Variants in IL1RAPL2 observed in about 807,000 individuals in gnomAD.
The protein encoded by IL1RAPL2 is interleukin 1 receptor accessory protein like 2.
A neutral mutation model predicts 44.1 loss-of-function variants in IL1RAPL2; 3 were observed. That is an observed-to-expected ratio of 0.07 (90% CI 0.03 to 0.18). IL1RAPL2 has a LOEUF of 0.18. IL1RAPL2 is among the 10% of genes least tolerant of loss of function. The pLI is 1.00. For synonymous variants in IL1RAPL2, 181 were observed against 178.8 expected, an observed-to-expected ratio of 1.01 and a Z score of -0.10; for missense variants, 391 against 496.4, an observed-to-expected ratio of 0.79 and a Z score of 2.02.
chrX:105,322,866 G>T (rs2034906468), intron 5 of IL1RAPL2, among the ~76,000 whole-genome samples: 1 of 58,856 alleles, frequency 1.7e-5, no homozygotes, highest in Non-Finnish European at 4.6e-5. Flanking sequence ...GATTATACAA[G>T]GTATGTATGT....
intron 2 of IL1RAPL2, among the ~76,000 whole-genome samples, chrX:104,933,733 C>T (rs1924962197): frequency 9.0e-6 from 1 of 111,286 alleles, no homozygotes; most frequent in African/African-American, 3.3e-5. Context: ...TTAATGAAAT[C>T]AAGTTAGACA....
chrX:105,248,718 G>A (rs5962490), intron 4 of IL1RAPL2, among the ~76,000 whole-genome samples: 15,882 of 110,898 alleles, frequency 0.14, 2,187 homozygotes, highest in African/African-American at 0.43. Flanking sequence ...AAGACATACA[G>A]ATGGGAAACA....
At chrX:105,439,844 G>A (rs949986750) in intron 5 of IL1RAPL2, among the ~76,000 whole-genome samples, 1 of 111,901 alleles carries the variant, frequency 8.9e-6, no homozygotes, top group African/African-American at 3.2e-5. Context: ...GATGACCTTG[G>A]CCGACTACTA....
rs188560438 is a variant in IL1RAPL2, at chrX:105,106,770, C to T, written c.83-88705C>T. 4.9e-3 allele frequency among the ~76,000 whole-genome samples: 551 copies of T among 111,877 alleles called. 3 individuals carry two copies. The highest frequency in any genetic ancestry group is 0.017 in the African/African-American group (529 of 30,864). On this transcript the variant is annotated intron_variant, in intron 2 of 10. Transcript: ENST00000372582. ...TAAATGGGATTACACCAATAAAAGGCTTAGAACAATGTCTGTCATAATAGT... is the reference window on the plus strand; with the variant it reads ...TAAATGGGATTACACCAATAAAAGGTTTAGAACAATGTCTGTCATAATAGT...
intron 2 of IL1RAPL2, among the ~76,000 whole-genome samples, chrX:105,102,648 CAT>C (rs1491239309): frequency 3.6e-5 from 4 of 111,616 alleles, no homozygotes; most frequent in Middle Eastern, 4.7e-3. Context: ...TGTATGTACA[CAT>C]GTGTGTATAT....
intron 2 of IL1RAPL2, among the ~76,000 whole-genome samples, chrX:104,801,084 T>C (rs774336706): frequency 9.6e-4 from 108 of 112,568 alleles, no homozygotes; most frequent in Middle Eastern, 4.2e-3. Context: ...GATAGCAGAG[T>C]GTGTCTTCCT....
chrX:105,164,020 T>C (rs1220028601), intron 2 of IL1RAPL2, among the ~76,000 whole-genome samples: 3 of 110,744 alleles, frequency 2.7e-5, no homozygotes. Flanking sequence ...TTTAATGAGT[T>C]GAAGACATTC....
chrX:105,446,922 A>G (rs1352826624), intron 5 of IL1RAPL2, among the ~76,000 whole-genome samples: 1 of 102,915 alleles, frequency 9.7e-6, no homozygotes, highest in Non-Finnish European at 2.0e-5. Flanking sequence ...TTGCTCATCA[A>G]TGTCCTTTTC....
chrX:104,632,200 T>C (rs1929666895), intron 1 of IL1RAPL2, among the ~76,000 whole-genome samples: 1 of 111,637 alleles, frequency 9.0e-6, no homozygotes, highest in East Asian at 2.8e-4. Flanking sequence ...CATTGGTCTA[T>C]ATCTCTGTTT....
intron 2 of IL1RAPL2, among the ~76,000 whole-genome samples, chrX:104,895,023 A>T (rs1923593978): frequency 8.9e-6 from 1 of 112,673 alleles, no homozygotes; most frequent in East Asian, 2.8e-4. Flanking sequence ...CCTCAGCTGC[A>T]GGTCTGTTGG....
At chrX:105,161,224 T>TAAC (rs1414798214) in intron 2 of IL1RAPL2, among the ~76,000 whole-genome samples, 6 of 107,845 alleles carry the variant, frequency 5.6e-5, no homozygotes, top group Non-Finnish European at 1.1e-4. Context: ...TCTCAAATAA[T>TAAC]AATAATAATA....
intron 2 of IL1RAPL2, among the ~76,000 whole-genome samples, chrX:104,680,625 A>T (rs897763083): frequency 4.5e-5 from 5 of 109,931 alleles, no homozygotes; most frequent in Non-Finnish European, 9.5e-5. Context: ...TGAAGTTATT[A>T]AAAAAAAACA....
At chrX:105,388,726 G>T (rs893369314) in intron 5 of IL1RAPL2, among the ~76,000 whole-genome samples, 1 of 110,801 alleles carries the variant, frequency 9.0e-6, no homozygotes, top group African/African-American at 3.3e-5. Context: ...CAAATCCTGC[G>T]TTTTCTTATG....
At chrX:104,851,774 G>A (rs1922231780) in intron 2 of IL1RAPL2, among the ~76,000 whole-genome samples, 1 of 111,577 alleles carries the variant, frequency 9.0e-6, no homozygotes, top group Admixed American at 9.5e-5. Context: ...GCTGGCTTCT[G>A]TTGAGAGCTT....
intron 2 of IL1RAPL2, among the ~76,000 whole-genome samples, chrX:104,915,558 A>G (rs1924394865): frequency 9.1e-6 from 1 of 110,320 alleles, no homozygotes; most frequent in Non-Finnish European, 1.9e-5. Context: ...GCTGTGCAGA[A>G]GCTCTTTAGT....
chrX:105,480,282 T>C (rs993004414), intron 5 of IL1RAPL2, among the ~76,000 whole-genome samples: 1 of 112,245 alleles, frequency 8.9e-6, no homozygotes, highest in African/African-American at 3.2e-5. Flanking sequence ...TACATATAGA[T>C]AAAATCATTG....
chrX:105,185,884 G>A lies in IL1RAPL2; in HGVS notation c.83-9591G>A, dbSNP rs1017260400. Among the ~76,000 whole-genome samples the A allele has an allele frequency of 8.9e-5, 10 of 111,816 alleles. No individual in the cohort carries two copies. In the East Asian group the frequency reaches 1.1e-3, roughly 12 times the overall value. On this transcript the variant is annotated intron_variant, in intron 2 of 10. Coordinates refer to ENST00000372582, the MANE Select transcript of IL1RAPL2 (RefSeq NM_017416.2). ...CTAGCCCTTAATTATGTGAGTTATC[G>A]CAGGATGAGAATTTATGGATTCAGC...
chrX:104,805,732 T>C (rs1932918106), intron 2 of IL1RAPL2, among the ~76,000 whole-genome samples: 1 of 112,249 alleles, frequency 8.9e-6, no homozygotes, highest in Non-Finnish European at 1.9e-5. Flanking sequence ...TAACATTTAC[T>C]GCATACTTAC....
chrX:104,717,525 A>G (rs1931593508), intron 2 of IL1RAPL2, among the ~76,000 whole-genome samples: 1 of 108,519 alleles, frequency 9.2e-6, no homozygotes, highest in Non-Finnish European at 1.9e-5. Flanking sequence ...ATGGGAAGGT[A>G]GGCCTATTTA....
Sources: allele counts gnomAD v4.1 joint callset (sites outside exome capture counted in the v4.1 genomes callset), GRCh38; gene constraint gnomAD v4.1.1; transcripts MANE v1.5; gene names NCBI Gene and HGNC (gene_info 2026-07-23, HGNC 2026-07-21).